The following MAP3K13 variants were observed in gnomAD, a reference collection of about 807,000 sequenced individuals.
The protein encoded by MAP3K13 is leucine zipper-bearing kinase.
Under a neutral mutation model 104.0 loss-of-function variants are expected in MAP3K13, and 52 were observed. The observed-to-expected ratio is 0.50, with a 90% CI of 0.40 to 0.63. MAP3K13 has a LOEUF of 0.63. Among genes scored for constraint, MAP3K13 ranks in the 20% least tolerant of loss-of-function variants. MAP3K13 has a pLI of 0.00. For missense variants in MAP3K13, 914 were observed against 1,218.5 expected (o/e 0.75, Z 3.72); for synonymous variants, 394 against 442.2 (o/e 0.89, Z 1.37).
rs80227798 is a variant in MAP3K13 at position 185,310,789 on chromosome 3, C to G, written c.-86+25146C>G. ...TAACTTGATATAACTCTTCAACTATCCATTTATTCCTGTGATAGGCAGAGG... is the reference window on the plus strand; with the variant it reads ...TAACTTGATATAACTCTTCAACTATGCATTTATTCCTGTGATAGGCAGAGG... On this transcript the variant is annotated intron_variant, in intron 2 of 14. Transcript: ENST00000424227. 4.9e-3 allele frequency among the ~76,000 whole-genome samples: 749 copies of G among 152,290 alleles called. 10 individuals are homozygous for G. Among genetic ancestry groups the G allele is most frequent in the African/African-American group, 0.017 (701 of 41,554 alleles).
chr3:185,362,379 C>CA (rs1723664129), upstream of MAP3K13, among the ~76,000 whole-genome samples: 1 of 152,038 alleles, frequency 6.6e-6, no homozygotes, highest in South Asian at 2.1e-4. Context: ...TTACTGAAAC[C>CA]AAAATTTGTT....
chr3:185,390,445 G>A (rs1462992530), intron 1 of MAP3K13, among the ~76,000 whole-genome samples: 1 of 152,046 alleles, frequency 6.6e-6, no homozygotes, highest in Admixed American at 6.5e-5. Flanking sequence ...AGTGAGCACA[G>A]TTTCATAGAG....
chr3:185,351,797 G>A (rs1723148258), intron 2 of MAP3K13, among the ~76,000 whole-genome samples: 5 of 152,144 alleles, frequency 3.3e-5, no homozygotes, highest in Admixed American at 3.3e-4. Context: ...CAAAAAATTT[G>A]GTGCCTCATA....
Position 185,484,762 on chromosome 3 carries a change from T to C in MAP3K13, c.*2306T>C, listed in dbSNP as rs1219940066. On this transcript the variant is annotated 3_prime_UTR_variant, in exon 14 of 14. Transcript: ENST00000265026. Reference sequence around the variant, plus strand: ...GGACTACATGAAAGATCTTAAGTTATGGCATTATTATCATTGTTATTTTAT... The same window carrying C: ...GGACTACATGAAAGATCTTAAGTTACGGCATTATTATCATTGTTATTTTAT... 6.6e-6 allele frequency: 1 copy of C among 152,248 alleles called. No homozygotes were observed. The highest frequency in any genetic ancestry group is 2.4e-5 in the African/African-American group (1 of 41,474). 9.4% of individuals were successfully genotyped at this position (152,248 alleles called of 1,614,324 possible).
chr3:185,324,049 C>T (rs908897889), intron 2 of MAP3K13, among the ~76,000 whole-genome samples: 8 of 152,058 alleles, frequency 5.3e-5, no homozygotes, highest in Non-Finnish European at 8.8e-5. Context: ...CTTGCTCTGT[C>T]GCCCAGGCTA....
At chr3:185,379,238 A>G (rs1255150295) in intron 1 of MAP3K13, among the ~76,000 whole-genome samples, 3 of 152,232 alleles carry the variant, frequency 2.0e-5, no homozygotes, top group Non-Finnish European at 4.4e-5. Context: ...GCATCCCCGC[A>G]GTGATTAAAC....
Position 185,393,496 on chromosome 3 carries a change from T to C in MAP3K13, c.-86+30128T>C, listed in dbSNP as rs146248410. Among the ~76,000 whole-genome samples, 874 of 151,244 alleles carry C rather than the reference T, an allele frequency of 5.8e-3. 10 individuals carry two copies. Among genetic ancestry groups the C allele is most frequent in the African/African-American group, 0.02 (826 of 41,228 alleles). The stretch of plus-strand genomic sequence containing the variant: ...TTTTTTGAGACGGAGTCTCGCTCTG[T>C]TGTCCAGGCTGGAGTGCAGTGGCGT... On this transcript the variant is annotated intron_variant, in intron 1 of 13. Transcript: ENST00000265026.
chr3:185,400,426 A>G (rs1487930293), intron 1 of MAP3K13, among the ~76,000 whole-genome samples: 1 of 152,238 alleles, frequency 6.6e-6, no homozygotes, highest in Non-Finnish European at 1.5e-5. Flanking sequence ...AGACTCCTCT[A>G]GAGCAGGGGT....
intron 2 of MAP3K13, among the ~76,000 whole-genome samples, chr3:185,341,503 T>C (rs1722722280): frequency 6.6e-6 from 1 of 152,224 alleles, no homozygotes; most frequent in Non-Finnish European, 1.5e-5. Flanking sequence ...CACCAGTTTG[T>C]GATAATTTGT....
At chr3:185,372,885 G>T (rs561887507) in intron 1 of MAP3K13, among the ~76,000 whole-genome samples, 2 of 152,170 alleles carry the variant, frequency 1.3e-5, no homozygotes, top group South Asian at 4.2e-4. Context: ...TTTTTCCCCT[G>T]CCAGGAAAAG....
Position 185,488,961 on chromosome 3 carries a change from C to G in MAP3K13, c.*6505C>G, listed in dbSNP as rs1248463040. 6.6e-6 allele frequency: 1 copy of G among 152,256 alleles called. No individual in the cohort carries two copies. Among genetic ancestry groups the G allele is most frequent in the African/African-American group, 2.4e-5 (1 of 41,452 alleles). The allele number at this position is 152,256 out of a possible 1,614,324, so 9.4% of individuals were successfully genotyped here. Reference sequence around the variant, plus strand: ...CCTCCTTACCTGGCTCCCCTCTGGTCTCCTGTACTGTCAGTCCCCAGCTCC... The same window carrying G: ...CCTCCTTACCTGGCTCCCCTCTGGTGTCCTGTACTGTCAGTCCCCAGCTCC... On this transcript the variant is annotated 3_prime_UTR_variant, in exon 14 of 14. Transcript: ENST00000265026.
chr3:185,285,933 G>A (rs556804600), intron 2 of MAP3K13, among the ~76,000 whole-genome samples: 3 of 152,106 alleles, frequency 2.0e-5, no homozygotes, highest in Admixed American at 2.0e-4. Context: ...TTACATCCGG[G>A]TAGAAATAAT....
At chr3:185,297,525 A>G (rs890203481) in intron 2 of MAP3K13, among the ~76,000 whole-genome samples, 4 of 152,188 alleles carry the variant, frequency 2.6e-5, no homozygotes, top group African/African-American at 9.7e-5. Context: ...ACCTGAGGTC[A>G]GGAGTTCGAG....
intron 2 of MAP3K13, among the ~76,000 whole-genome samples, chr3:185,434,353 A>G (rs1056594347): frequency 6.6e-6 from 1 of 152,206 alleles, no homozygotes. Context: ...AAGTTATAAA[A>G]CACTAAACTA....
At chr3:185,287,453 G>C (rs1389289690) in intron 2 of MAP3K13, among the ~76,000 whole-genome samples, 2 of 152,258 alleles carry the variant, frequency 1.3e-5, no homozygotes, top group Non-Finnish European at 1.5e-5. Flanking sequence ...GTATTACTTT[G>C]AATTGGCTGA....
intron 7 of MAP3K13, among the ~76,000 whole-genome samples, chr3:185,455,737 AGATATATATAT>A (rs1716645300): frequency 1.4e-4 from 4 of 27,600 alleles, no homozygotes; most frequent in Non-Finnish European, 2.6e-4. Flanking sequence ...TATATATATG[AGATATATATAT>A]GATATATATA....
intron 10 of MAP3K13, among the ~76,000 whole-genome samples, chr3:185,471,889 T>A (rs987439013): frequency 2.6e-5 from 4 of 152,228 alleles, no homozygotes; most frequent in African/African-American, 7.2e-5. Flanking sequence ...CAATTTCACT[T>A]ATGCAAAGAG....
At chr3:185,284,439 G>A (rs1720431240) in intron 1 of MAP3K13, among the ~76,000 whole-genome samples, 2 of 152,166 alleles carry the variant, frequency 1.3e-5, no homozygotes, top group South Asian at 2.1e-4. Flanking sequence ...TGTGGGGCCG[G>A]GCACGGTGGC....
chr3:185,466,802 G>A, intron 9 of MAP3K13, 24 bp from the exon 10 acceptor site: 1 of 1,613,836 alleles, frequency 6.2e-7, no homozygotes, highest in Non-Finnish European at 8.5e-7. Context: ...TGACTGAGGT[G>A]TGGCTTTTGC....
Sources: gnomAD v4.1 joint callset for allele counts (sites outside exome capture counted in the v4.1 genomes callset) on GRCh38, gnomAD v4.1.1 for gene constraint, MANE v1.5 for transcripts, NCBI Gene and HGNC (gene_info 2026-07-23, HGNC 2026-07-21) for gene names.